Variants in RNF14 observed in about 807,000 individuals in gnomAD.
The protein encoded by RNF14 is E3 ubiquitin-protein ligase RNF14.
RNF14 carries 26 observed loss-of-function variants against 52.6 expected under a neutral mutation model. The observed-to-expected ratio is 0.49, with a 90% confidence interval of 0.36 to 0.69. The LOEUF is 0.69. RNF14 is among the 30% of genes least tolerant of loss of function. The probability of loss-of-function intolerance (pLI) is 0.00; values close to 1 mark genes in which losing one functional copy is unlikely to be tolerated. For synonymous variants in RNF14, 194 were observed against 202.0 expected (o/e 0.96, Z 0.34); for missense variants, 404 against 560.4 (o/e 0.72, Z 2.82).
chr5:141,952,161 G>T, the RNF14 span, among the ~76,000 whole-genome samples: 35 of 152,138 alleles, frequency 2.3e-4, no homozygotes, highest in African/African-American at 8.0e-4. Context: ...TGCCCTCAGC[G>T]TGGTCACATC....
chr5:141,986,926 C>G (rs956969926), intron 8 of RNF14, among the ~76,000 whole-genome samples: 1 of 152,218 alleles, frequency 6.6e-6, no homozygotes, highest in African/African-American at 2.4e-5. Flanking sequence ...AGCATGATCT[C>G]TGGGGGAGTT....
At chr5:141,972,741 C>G (rs1331602942) in intron 2 of RNF14, among the ~76,000 whole-genome samples, 3 of 152,028 alleles carry the variant, frequency 2.0e-5, no homozygotes, top group Non-Finnish European at 4.4e-5. Context: ...CAGGGGTGAG[C>G]CACCACACCC....
At chr5:141,955,851 A>G (rs758698799), upstream of RNF14, 2 of 1,614,050 alleles carry the variant, frequency 1.2e-6, no homozygotes, top group Non-Finnish European at 8.5e-7. The surrounding 1 kb of genome is among the most constrained non-coding windows in gnomAD (Gnocchi z 5.5). Context: ...ACTCACTCCC[A>G]ATGAGGCTGC....
chr5:141,956,884 T>C, upstream of RNF14: 1 of 1,614,238 alleles, frequency 6.2e-7, no homozygotes, highest in Admixed American at 1.7e-5. Flanking sequence ...GTCCCTTGCC[T>C]GAACATCCAC....
At chr5:141,959,296 C>T (rs1417964493) in intron 1 of RNF14, among the ~76,000 whole-genome samples, 4 of 152,020 alleles carry the variant, frequency 2.6e-5, no homozygotes, top group African/African-American at 9.7e-5. Flanking sequence ...CCCAACTCTC[C>T]TTTTAGATGT....
At chr5:141,977,785 G>A (rs1370496076) in intron 4 of RNF14, among the ~76,000 whole-genome samples, 1 of 152,230 alleles carries the variant, frequency 6.6e-6, no homozygotes, top group Admixed American at 6.5e-5. Flanking sequence ...GATTGTTTCA[G>A]ATGAGTTGAC....
chr5:141,973,461 C>T, intron 2 of RNF14, 122 bp from the exon 3 acceptor site: 1 of 649,956 alleles, frequency 1.5e-6, no homozygotes, highest in East Asian at 3.3e-5. Flanking sequence ...TAGTCTTGAA[C>T]TCCTGACCTC....
upstream of RNF14, among the ~76,000 whole-genome samples, chr5:141,963,482 C>A (rs1753290961): frequency 6.6e-6 from 1 of 151,560 alleles, no homozygotes. Context: ...ATCATCTGTG[C>A]ATGAATATTC....
chr5:141,987,613 A>T, intron 8 of RNF14, 120 bp from the exon 9 acceptor site: 1 of 948,388 alleles, frequency 1.1e-6, no homozygotes, highest in Non-Finnish European at 1.7e-6. Flanking sequence ...TGCAATGATT[A>T]AAGGAGAAGA....
rs1755503798 is a variant in RNF14, at chr5:141,989,958, A to G, written c.*2168A>G. On this transcript the variant is annotated 3_prime_UTR_variant, in exon 9 of 9. Coordinates refer to ENST00000394520, the MANE Select transcript of RNF14 (RefSeq NM_004290.5). ...AAAGAAGCCTTTATAATACAGTTTTATGAAAGAAATGGGAGCCTTTTTTCC... is the reference window on the plus strand; with the variant it reads ...AAAGAAGCCTTTATAATACAGTTTTGTGAAAGAAATGGGAGCCTTTTTTCC... 6.6e-6 allele frequency: 1 copy of G among 152,212 alleles called. No individual in the cohort carries two copies. The highest frequency in any genetic ancestry group is 2.4e-5 in the African/African-American group (1 of 41,450). The allele number at this position is 152,212 out of a possible 1,614,324, so 9.4% of individuals were successfully genotyped here. A position where few individuals can be genotyped will look rare whatever the true frequency, so the allele number is the denominator to read the frequency against.
intron 2 of RNF14, among the ~76,000 whole-genome samples, chr5:141,973,052 A>G (rs1446247497): frequency 6.6e-6 from 1 of 152,212 alleles, no homozygotes; most frequent in Non-Finnish European, 1.5e-5. Context: ...AAAATATCTA[A>G]CTGATAAGAT....
chr5:141,976,522 T>C (rs1256650058), intron 4 of RNF14, among the ~76,000 whole-genome samples: 1 of 152,184 alleles, frequency 6.6e-6, no homozygotes, highest in Non-Finnish European at 1.5e-5. Flanking sequence ...ATTAACATTT[T>C]AATTGGTCTC....
chr5:141,978,092 C>T (rs927704064), intron 4 of RNF14, among the ~76,000 whole-genome samples: 1 of 152,178 alleles, frequency 6.6e-6, no homozygotes, highest in Admixed American at 6.5e-5. Context: ...ACTTTATGTT[C>T]TACTCTGGCT....
chr5:141,974,874 G>A lies in RNF14; in HGVS notation c.225G>A (p.Leu75=). ...YTICFLPPLV[L]NFELPPDYPS... ...TTTGCTTTCTGCCTCCACTTGTGCT[G>A]AACTTTGAACTGCCACCAGATTATC... Residue 75 remains leucine, a synonymous_variant, in exon 4 of 9, where the codon CTG becomes CTA. Transcript: ENST00000394520. 8.1e-6 allele frequency: 13 copies of A among 1,614,090 alleles called. No individual in the cohort carries two copies. Among genetic ancestry groups the A allele is most frequent in the Non-Finnish European group, 1.1e-5 (13 of 1,179,982 alleles).
upstream of RNF14, among the ~76,000 whole-genome samples, chr5:141,966,150 G>A (rs894462546): frequency 4.6e-5 from 7 of 152,052 alleles, no homozygotes; most frequent in Non-Finnish European, 8.8e-5. Flanking sequence ...ATGTGGTGGT[G>A]TGCACCTGGA....
At chr5:141,960,286 C>T (rs766765259) in intron 1 of RNF14, among the ~76,000 whole-genome samples, 1 of 152,188 alleles carries the variant, frequency 6.6e-6, no homozygotes, top group South Asian at 2.1e-4. Flanking sequence ...AAATGAAAGG[C>T]GAGAGGCCAG....
chr5:141,978,734 T>C lies in RNF14; in HGVS notation c.738T>C (p.Cys246=). 1.9e-6 allele frequency: 3 copies of C among 1,614,028 alleles called. No individual in the cohort carries two copies. Among genetic ancestry groups the C allele is most frequent in the Non-Finnish European group, 2.5e-6 (3 of 1,179,868 alleles). Residue 246 remains cysteine (C), a synonymous_variant, in exon 5 of 9, where the codon TGT becomes TGC. Transcript: ENST00000394520. The stretch of plus-strand genomic sequence containing the variant: ...GCAGGCATGTGTACTGCAAAGCCTG[T>C]CTGAAGGACTACTTTGAAATCCAGA... ...LECRHVYCKA[C]LKDYFEIQIR...
At chr5:141,966,429 AAAC>A (rs1213162029), upstream of RNF14, among the ~76,000 whole-genome samples, 1 of 152,252 alleles carries the variant, frequency 6.6e-6, no homozygotes, top group Non-Finnish European at 1.5e-5. Context: ...CTTATTAAAA[AAAC>A]AAATCTTAGT....
rs577457923 is a variant in RNF14, at chr5:141,978,872, C to T, written c.834+42C>T. ...CTGATGGTTGCCTCCTAATTCTCTT[C>T]CATAAATGGAGATATCATCTCAGGA... On this transcript the variant is annotated intron_variant, in intron 5 of 8. Transcript: ENST00000394520. 2.5e-6 allele frequency: 4 copies of T among 1,587,362 alleles called. No homozygotes were observed. In the South Asian group the frequency reaches 4.5e-5, roughly 18 times the overall value.
Sources: allele counts gnomAD v4.1 joint callset (sites outside exome capture counted in the v4.1 genomes callset), GRCh38; gene constraint gnomAD v4.1.1; non-coding constraint Gnocchi (gnomAD v3.1); transcripts MANE v1.5; gene names NCBI Gene and HGNC (gene_info 2026-07-23, HGNC 2026-07-21).